Variants in CUL3 observed in about 807,000 individuals in gnomAD.
CUL3 encodes the protein cullin-3.
A neutral mutation model predicts 89.1 loss-of-function variants in CUL3; 19 were observed. The ratio of observed to expected loss-of-function variants is 0.21; its 90% CI spans 0.15 to 0.31. CUL3 has a LOEUF of 0.31. Among genes scored for constraint, CUL3 ranks in the 10% least tolerant of loss-of-function variants. The pLI, the probability that CUL3 is intolerant of heterozygous loss-of-function variation, is 1.00. For synonymous variants in CUL3, 351 were observed against 308.4 expected (o/e 1.14, Z -1.45); for missense variants, 469 against 942.3 (o/e 0.50, Z 6.58).
At chr2:224,492,981 C>A (rs1023087746) in intron 13 of CUL3, among the ~76,000 whole-genome samples, 3 of 152,142 alleles carry the variant, frequency 2.0e-5, no homozygotes, top group African/African-American at 7.2e-5. Context: ...CACTTAACAA[C>A]ATCCAGAACA....
chr2:224,472,047 T>A lies in CUL3; in HGVS notation c.*2198A>T, dbSNP rs1241073969. On this transcript the variant is annotated 3_prime_UTR_variant, in exon 16 of 16. Transcript: ENST00000264414. Reference sequence around the variant, plus strand: ...TAACCTTTATGACCTAAAATAATACTTATGCAGTCAAACATATAAACATTT... The same window carrying A: ...TAACCTTTATGACCTAAAATAATACATATGCAGTCAAACATATAAACATTT... The A allele has an allele frequency of 4.3e-6, 1 of 231,138 alleles. No individual in the cohort carries two copies. Among genetic ancestry groups the A allele is most frequent in the African/African-American group, 2.2e-5 (1 of 45,252 alleles). The allele number at this position is 231,138 out of a possible 1,614,324, so 14.3% of individuals were successfully genotyped here. A position where few individuals can be genotyped will look rare whatever the true frequency, so the allele number is the denominator to read the frequency against.
intron 1 of CUL3, among the ~76,000 whole-genome samples, chr2:224,563,537 C>G (rs1694967134): frequency 6.6e-6 from 1 of 152,176 alleles, no homozygotes; most frequent in African/African-American, 2.4e-5. Flanking sequence ...TACAACAGTC[C>G]TCCTATCTAC....
At chr2:224,491,010 G>A (rs74768687) in intron 13 of CUL3, among the ~76,000 whole-genome samples, 5 of 151,956 alleles carry the variant, frequency 3.3e-5, no homozygotes, top group Non-Finnish European at 5.9e-5. Flanking sequence ...TTAAAAAAAC[G>A]TGATATGGTA....
intron 8 of CUL3, chr2:224,504,077 A>C (rs1384757664): frequency 3.2e-6 from 1 of 317,106 alleles, no homozygotes; most frequent in African/African-American, 2.1e-5. Context: ...ACTGAATTGG[A>C]GGCATAAGGT....
intron 1 of CUL3, among the ~76,000 whole-genome samples, chr2:224,566,908 A>T (rs1695054037): frequency 6.6e-6 from 1 of 152,170 alleles, no homozygotes; most frequent in African/African-American, 2.4e-5. Context: ...GGCTTCACAA[A>T]CTTCCTTTTA....
intron 1 of CUL3, among the ~76,000 whole-genome samples, chr2:224,576,255 G>A (rs970672338): frequency 6.6e-6 from 1 of 152,156 alleles, no homozygotes; most frequent in African/African-American, 2.4e-5. Context: ...TGACAGGAAG[G>A]GATGAGATGC....
At position 224,478,311 on chromosome 2, in the gene CUL3, C is replaced by G. The variant is rs2106143357; in HGVS notation, c.2064G>C (p.Arg688Ser). Reference sequence around the variant, plus strand: ...CGTCTACTTTCTGCCTTGTTTCTTTCCTCTCTGGGTCGGATTCACCTTGTT... The same window carrying G: ...CGTCTACTTTCTGCCTTGTTTCTTTGCTCTCTGGGTCGGATTCACCTTGTT... ...AAKQGESDPE[R>S]KETRQKVDDD... Residue 688 changes from arginine (R) to serine (S), a missense_variant, in exon 15 of 16, where the codon AGG (arginine) becomes AGC (serine). By Grantham distance (110) the Arg-to-Ser change is moderately radical (BLOSUM62 -1). Transcript: ENST00000264414. The G allele has an allele frequency of 6.2e-7, 1 of 1,613,476 alleles. No homozygotes were observed. The highest frequency in any genetic ancestry group is 8.5e-7 in the Non-Finnish European group (1 of 1,179,668).
chr2:224,499,421 A>G (rs1692289523), intron 11 of CUL3: 1 of 240,332 alleles, frequency 4.2e-6, no homozygotes, highest in Admixed American at 4.1e-5. Context: ...CCACAATTTC[A>G]AAGAGGTCGT....
In CUL3 at chr2:224,532,340, G is replaced by C. The variant is rs146239942; in HGVS notation, c.378+3188C>G. Among the ~76,000 whole-genome samples the C allele has an allele frequency of 1.8e-3, 279 of 152,032 alleles. 3 individuals are homozygous for C. The highest frequency in any genetic ancestry group is 6.5e-3 in the African/African-American group (268 of 41,440). On this transcript the variant is annotated intron_variant, in intron 3 of 15. Coordinates refer to ENST00000264414, the MANE Select transcript of CUL3 (RefSeq NM_003590.5). ...GCAGTTAGTAGTCATTGAAGGAGGA[G>C]GAGAGGCTAAGAAACAGTAAGAAGG...
chr2:224,526,007 T>G (rs1429346862), intron 3 of CUL3, among the ~76,000 whole-genome samples: 1 of 152,220 alleles, frequency 6.6e-6, no homozygotes, highest in Non-Finnish European at 1.5e-5. Flanking sequence ...GGTATGTGCA[T>G]GCACACATGC....
Position 224,509,283 on chromosome 2 carries a change from G to A in CUL3, c.883+2071C>T, listed in dbSNP as rs546891220. ...GGCTGGAGTGCAGTGGCATCATCTT[G>A]GTTCACTGCAGCCTTGACCTCCCCA... On this transcript the variant is annotated intron_variant, in intron 6 of 15. Coordinates refer to ENST00000264414, the MANE Select transcript of CUL3 (RefSeq NM_003590.5). 1.7e-3 allele frequency among the ~76,000 whole-genome samples: 265 copies of A among 152,184 alleles called. 2 individuals are homozygous for A. Among genetic ancestry groups the A allele is most frequent in the Non-Finnish European group, 2.3e-3 (154 of 68,004 alleles).
intron 2 of CUL3, among the ~76,000 whole-genome samples, chr2:224,544,622 T>C (rs1262793431): frequency 6.6e-6 from 1 of 152,046 alleles, no homozygotes; most frequent in Admixed American, 6.6e-5. Context: ...TGTCACTTTA[T>C]AAATTTTGCC....
chr2:224,480,581 CT>C (rs761715093), intron 14 of CUL3, among the ~76,000 whole-genome samples: 2 of 152,086 alleles, frequency 1.3e-5, no homozygotes, highest in Non-Finnish European at 2.9e-5. Flanking sequence ...TCTATGAAGA[CT>C]TTTTTAAACA....
intron 7 of CUL3, 66 bp downstream of exon 7, chr2:224,506,792 T>C: frequency 7.1e-7 from 1 of 1,405,088 alleles, no homozygotes; most frequent in African/African-American, 1.4e-5. Flanking sequence ...ATGGTAAAAG[T>C]GGCCTTTTTA....
rs147965021 is a variant in CUL3, at chr2:224,484,270, T to G, written c.1843-2192A>C. On this transcript the variant is annotated intron_variant, in intron 13 of 15. Transcript: ENST00000264414. ...AAATAGTATATGAATATCCACTCCC[T>G]CACACCCTCTTCAACGCCAGATTTT... 1.6e-4 allele frequency among the ~76,000 whole-genome samples: 25 copies of G among 152,236 alleles called. 1 individual carries two copies. The East Asian group carries it at 3.9e-3, about 23-fold the overall frequency.
At chr2:224,571,668 C>T (rs956704565) in intron 1 of CUL3, among the ~76,000 whole-genome samples, 9 of 152,140 alleles carry the variant, frequency 5.9e-5, no homozygotes, top group African/African-American at 2.2e-4. Context: ...AAAATGTACA[C>T]AAGAACACAG....
Position 224,568,863 on chromosome 2 carries a change from T to A in CUL3, c.67-11007A>T, listed in dbSNP as rs1309490451. On this transcript the variant is annotated intron_variant, in intron 1 of 15. Coordinates refer to ENST00000264414, the MANE Select transcript of CUL3 (RefSeq NM_003590.5). ...TTAATACATACACATGATCGGGTCT[T>A]GGCATCAAATGCACGTCAACATCCT... Among the ~76,000 whole-genome samples, 7 of 152,328 alleles carry A rather than the reference T, an allele frequency of 4.6e-5. No homozygotes were observed. The South Asian group carries it at 8.3e-4, about 18-fold the overall frequency.
At chr2:224,568,378 T>C (rs1695098032) in intron 1 of CUL3, among the ~76,000 whole-genome samples, 2 of 152,222 alleles carry the variant, frequency 1.3e-5, no homozygotes, top group African/African-American at 4.8e-5. Flanking sequence ...TCCACTAGAC[T>C]ATGAGCTTAA....
At chr2:224,514,915 T>A in intron 3 of CUL3, 143 bp from the exon 4 acceptor site, 1 of 571,750 alleles carries the variant, frequency 1.7e-6, no homozygotes, top group Admixed American at 3.3e-5. Flanking sequence ...TTAAGCAATG[T>A]GCAACTTTCC....
Sources: allele counts gnomAD v4.1 joint callset (sites outside exome capture counted in the v4.1 genomes callset), GRCh38; gene constraint gnomAD v4.1.1; transcripts MANE v1.5; gene names NCBI Gene and HGNC (gene_info 2026-07-23, HGNC 2026-07-21).